RIF1: variants seen among roughly 807,000 people sequenced by gnomAD.
RIF1 encodes the protein replication timing regulatory factor 1, also known as telomere-associated protein RIF1.
RIF1 carries 45 observed loss-of-function variants against 247.1 expected under a neutral mutation model. That is an observed-to-expected ratio of 0.18 (90% CI 0.14 to 0.23). The LOEUF (loss-of-function observed/expected upper bound fraction) is 0.23, where lower values mean the gene tolerates loss of function less well. Among genes scored for constraint, RIF1 ranks in the 10% least tolerant of loss-of-function variants. The pLI is 1.00. For synonymous variants in RIF1, 1,087 were observed against 978.8 expected (o/e 1.11, Z -2.06); for missense variants, 2,967 against 2,862.5 (o/e 1.04, Z -0.83).
chr2:151,491,585 C>A, intron 9 of RIF1: 1 of 1,032,314 alleles, frequency 9.7e-7, no homozygotes, highest in South Asian at 1.4e-5. Flanking sequence ...AAATGGAAAA[C>A]TCTGGAGGGA....
rs1250764653 is a variant in RIF1, at chr2:151,435,541, A to G, written c.1156A>G (p.Thr386Ala). The G allele has an allele frequency of 1.2e-6, 2 of 1,609,968 alleles. No individual in the cohort carries two copies. Among genetic ancestry groups the G allele is most frequent in the Non-Finnish European group, 1.7e-6 (2 of 1,176,338 alleles). The change falls in exon 11 of 36, where the codon ACA becomes GCA. Residue 386 changes from threonine (T) to alanine (A), a missense_variant. This residue lies in a region of RIF1 where 369 missense variants were observed against 322.0 expected (regional missense o/e 1.15). Transcript: ENST00000444746. ...TCAGGGCAATTCGTGTCATGTAGCT[A>G]CATCTCCAGGTTTAAATCCTATGAC... ...SPQGNSCHVA[T>A]SPGLNPMTPV...
At chr2:151,485,574 T>C, downstream of RIF1, 1 of 463,864 alleles carries the variant, frequency 2.2e-6, no homozygotes. Flanking sequence ...TTGCAGAAGC[T>C]TTTAAAGTGT....
At position 151,457,906 on chromosome 2, in the gene RIF1, A is replaced by T. The variant is rs1435418843; in HGVS notation, c.2798A>T (p.Gln933Leu). ...KNKQIRKQSA[Q>L]FWNATFAKVM... ...AAACAGATTCGAAAACAGAGTGCTC[A>T]GTTCTGGAATGCCACTTTTGCCAAA... Residue 933 changes from glutamine (Q) to leucine (L), a missense_variant, in exon 24 of 36, where the codon CAG (glutamine) becomes CTG (leucine). Gln to Leu is a moderately radical substitution (Grantham distance 113). Coordinates refer to ENST00000444746, the MANE Select transcript of RIF1 (RefSeq NM_018151.5). 6.2e-7 allele frequency: 1 copy of T among 1,613,936 alleles called. No individual in the cohort carries two copies. Among genetic ancestry groups the T allele is most frequent in the Admixed American group, 1.7e-5 (1 of 60,016 alleles).
chr2:151,424,922 G>A (rs969866489), intron 8 of RIF1, among the ~76,000 whole-genome samples: 1 of 133,084 alleles, frequency 7.5e-6, no homozygotes, highest in African/African-American at 2.8e-5. Flanking sequence ...CAAGTGATCC[G>A]CCTGCCTCAG....
At chr2:151,418,217 A>T (rs1687546965) in intron 6 of RIF1, among the ~76,000 whole-genome samples, 1 of 152,082 alleles carries the variant, frequency 6.6e-6, no homozygotes, top group African/African-American at 2.4e-5. Flanking sequence ...CTGTAACTTT[A>T]TTTTTTTGAG....
At chr2:151,517,838 A>C in the RIF1 span, among the ~76,000 whole-genome samples, 2 of 152,216 alleles carry the variant, frequency 1.3e-5, 1 homozygote, top group Non-Finnish European at 2.9e-5. Flanking sequence ...ATCTTATGGG[A>C]CCACTGTCAT....
chr2:151,451,542 C>T, intron 20 of RIF1, 64 bp from the exon 21 acceptor site: 1 of 810,232 alleles, frequency 1.2e-6, no homozygotes, highest in African/African-American at 1.7e-5. Context: ...TTTCATGTTG[C>T]TTACTTTTGT....
rs1283138388 is a variant in RIF1 at position 151,479,055 on chromosome 2, C to G, written c.*3984C>G. 1 of 152,168 alleles carries G rather than the reference C, an allele frequency of 6.6e-6. No individual in the cohort carries two copies. The highest frequency in any genetic ancestry group is 1.5e-5 in the Non-Finnish European group (1 of 68,030). 9.4% of individuals were successfully genotyped at this position (152,168 alleles called of 1,614,324 possible). The stretch of plus-strand genomic sequence containing the variant: ...ACAAGTGGATTCTGATTCAGTAGAT[C>G]TGCATTGGGCCCCGTGAGTCTTTTT... On this transcript the variant is annotated 3_prime_UTR_variant, in exon 36 of 36. Transcript: ENST00000444746.
At chr2:151,415,563 CAAAAAAAAAA>C (rs3040729) in intron 4 of RIF1, among the ~76,000 whole-genome samples, 10 of 44,878 alleles carry the variant, frequency 2.2e-4, no homozygotes, top group East Asian at 6.0e-4. Flanking sequence ...GACTCTGTCT[CAAAAAAAAAA>C]AAAAAAAAAA....
In RIF1 at chr2:151,479,423, A is replaced by G. The variant is rs2049076706; in HGVS notation, c.*4352A>G. The G allele has an allele frequency of 6.6e-6, 1 of 152,204 alleles. No individual in the cohort carries two copies. The highest frequency in any genetic ancestry group is 1.5e-5 in the Non-Finnish European group (1 of 68,038). 9.4% of individuals were successfully genotyped at this position (152,204 alleles called of 1,614,324 possible). The stretch of plus-strand genomic sequence containing the variant: ...TTGTGGGTTATGTTTTTGTTAATAT[A>G]AAAGTTGATTTCTAAGTATTAGAAT... On this transcript the variant is annotated 3_prime_UTR_variant, in exon 36 of 36. Transcript: ENST00000444746.
the RIF1 span, among the ~76,000 whole-genome samples, chr2:151,529,676 A>G: frequency 0.62 from 94,145 of 151,860 alleles, 29,736 homozygotes; most frequent in East Asian, 0.78. Flanking sequence ...GACCACAGGC[A>G]TGCGCCACCT....
rs777452410 is a variant in RIF1, at chr2:151,462,437, C to G, written c.3334C>G (p.Pro1112Ala). The G allele has an allele frequency of 8.3e-6, 13 of 1,561,644 alleles. No individual in the cohort carries two copies. In the Middle Eastern group the frequency reaches 7.1e-4, roughly 85 times the overall value. The change falls in exon 29 of 36, where the codon CCA becomes GCA. Residue 1112 changes from proline to alanine, a missense_variant. Pro to Ala is a conservative substitution (Grantham distance 27). Transcript: ENST00000444746. ...GGAAATTCCTACTTTAACCAGAAAA[C>G]CAAAGGAGGATTCTAAGATGATGAT... The part of the protein sequence containing the change: ...PMEIPTLTRK[P>A]KEDSKMMITE...
chr2:151,411,477 A>T lies in RIF1; in HGVS notation c.183+139A>T, dbSNP rs557422122. 5.7e-4 allele frequency: 323 copies of T among 566,344 alleles called. 1 individual carries two copies. Among genetic ancestry groups the T allele is most frequent in the Middle Eastern group, 3.4e-3 (7 of 2,044 alleles). 35.1% of individuals were successfully genotyped at this position (566,344 alleles called of 1,614,324 possible). A position where few individuals can be genotyped will look rare whatever the true frequency, so the allele number is the denominator to read the frequency against. On this transcript the variant is annotated intron_variant, in intron 3 of 35. Coordinates refer to ENST00000444746, the MANE Select transcript of RIF1 (RefSeq NM_018151.5). ...AATGGCTCAGGCTCGGGCTCGGCTC[A>T]CTGAAACCTCCGCCTCTCGGGTTCA...
At chr2:151,450,153 C>T (rs1032801494) in intron 20 of RIF1, among the ~76,000 whole-genome samples, 1 of 151,854 alleles carries the variant, frequency 6.6e-6, no homozygotes, top group Non-Finnish European at 1.5e-5. Context: ...TTGATGTCCC[C>T]CCCTTTTTTT....
intron 11 of RIF1, among the ~76,000 whole-genome samples, chr2:151,500,312 C>T (rs2063455912): frequency 6.6e-6 from 1 of 151,970 alleles, no homozygotes; most frequent in Admixed American, 6.6e-5. Flanking sequence ...TGGATTAATT[C>T]CCACTCCCCA....
Position 151,493,798 on chromosome 2 carries a change from G to A in RIF1, c.*416-1431G>A, listed in dbSNP as rs542275170. 19 of 1,583,134 alleles carry A rather than the reference G, an allele frequency of 1.2e-5. No individual in the cohort carries two copies. The highest frequency in any genetic ancestry group is 4.5e-5 in the East Asian group (2 of 44,096). ...ACCGAGCTAAAGTTTTCTTGATTGC[G>A]TTTCACTCTTTCCATCTCAGGAGTA... is the stretch of plus-strand genomic sequence containing the variant. On this transcript the variant is annotated intron_variant and NMD_transcript_variant, in intron 9 of 13. Coordinates refer to the RIF1 transcript ENST00000454583.
In RIF1 at chr2:151,479,989, T is replaced by C. The variant is rs557224034; in HGVS notation, c.*4918T>C. On this transcript the variant is annotated 3_prime_UTR_variant, in exon 36 of 36. Coordinates refer to ENST00000444746, the MANE Select transcript of RIF1 (RefSeq NM_018151.5). The stretch of plus-strand genomic sequence containing the variant: ...TAAGTCATTGAAGTTTGAAGATCTA[T>C]AAATATTTAATATAGTAGTCTAAAC... 7 of 152,296 alleles carry C rather than the reference T, an allele frequency of 4.6e-5. No homozygotes were observed. Among genetic ancestry groups the C allele is most frequent in the Admixed American group, 3.9e-4 (6 of 15,294 alleles). The allele number at this position is 152,296 out of a possible 1,614,324, so 9.4% of individuals were successfully genotyped here. A position where few individuals can be genotyped will look rare whatever the true frequency, so the allele number is the denominator to read the frequency against.
intron 15 of RIF1, 96 bp from the exon 16 acceptor site, chr2:151,441,809 A>G (rs1692340909): frequency 3.6e-6 from 2 of 548,478 alleles, no homozygotes; most frequent in South Asian, 4.5e-5. Context: ...ATGAATGAAC[A>G]TTACTTGTAA....
At chr2:151,435,327 G>A (rs549642703) in intron 10 of RIF1, 136 bp from the exon 11 acceptor site, 3 of 614,052 alleles carry the variant, frequency 4.9e-6, no homozygotes, top group African/African-American at 1.8e-5. Flanking sequence ...CCACTTTTTA[G>A]CCTGTTTGTG....
Sources: gnomAD v4.1 joint callset for allele counts (sites outside exome capture counted in the v4.1 genomes callset) on GRCh38, gnomAD v4.1.1 for gene constraint, gnomAD v4.1.1 regional missense constraint, MANE v1.5 for transcripts, NCBI Gene and HGNC (gene_info 2026-07-23, HGNC 2026-07-21) for gene names.